The following IPO11 variants were observed in gnomAD, a reference collection of about 807,000 sequenced individuals.
IPO11 encodes the protein importin-11.
In IPO11, 66 loss-of-function variants were observed where a neutral mutation model predicts 143.2. The observed-to-expected ratio is 0.46, with a 90% confidence interval of 0.38 to 0.57. IPO11 has a LOEUF of 0.57. Ranked by LOEUF, IPO11 falls within the 20% of genes least tolerant of loss-of-function variation. IPO11 has a pLI of 0.00. For synonymous variants in IPO11, 385 were observed against 377.8 expected (o/e 1.02, Z -0.22); for missense variants, 1,026 against 1,141.0 (o/e 0.90, Z 1.45).
intron 1 of IPO11, among the ~76,000 whole-genome samples, chr5:62,425,729 A>G (rs531401386): frequency 9.2e-5 from 14 of 152,390 alleles, no homozygotes; most frequent in Non-Finnish European, 1.9e-4. Flanking sequence ...TAGAAATGAA[A>G]GTAAAGATAC....
chr5:62,430,077 C>T (rs1013047279), intron 1 of IPO11, among the ~76,000 whole-genome samples: 2 of 152,046 alleles, frequency 1.3e-5, no homozygotes, highest in African/African-American at 4.8e-5. Context: ...TTTTATTTAC[C>T]CATTCATCAC....
chr5:62,490,068 T>A (rs762550127), intron 14 of IPO11, 47 bp from the exon 15 acceptor site: 2 of 1,128,756 alleles, frequency 1.8e-6, no homozygotes, highest in African/African-American at 3.2e-5. Flanking sequence ...CATTTGCAGA[T>A]CTGATATCTG....
chr5:62,426,585 TAAAGC>T (rs1441263096), intron 1 of IPO11, among the ~76,000 whole-genome samples: 2 of 152,004 alleles, frequency 1.3e-5, no homozygotes, highest in East Asian at 3.9e-4. Context: ...GGAAGAGAAA[TAAAGC>T]AAATATCTAA....
At chr5:62,536,982 A>C (rs1246114110) in intron 23 of IPO11, among the ~76,000 whole-genome samples, 3 of 152,152 alleles carry the variant, frequency 2.0e-5, no homozygotes, top group Non-Finnish European at 2.9e-5. Context: ...GTGCTATGTC[A>C]ACAAATTTTT....
At chr5:62,597,709 T>C (rs1745276663) in intron 28 of IPO11, among the ~76,000 whole-genome samples, 1 of 152,208 alleles carries the variant, frequency 6.6e-6, no homozygotes, top group African/African-American at 2.4e-5. Context: ...AAATGTAATT[T>C]AACACAGGAG....
chr5:62,523,657 G>GATAGTGATTCATGTCACTTGAGTTAGGAA, intron 20 of IPO11, among the ~76,000 whole-genome samples: 1 of 152,328 alleles, frequency 6.6e-6, no homozygotes. Flanking sequence ...TCGCTAGGTA[G>GATAGTGATTCATGTCACTTGAGTTAGGAA]ATAGTGATTC....
At chr5:62,413,798 T>A (rs1316573174) in intron 1 of IPO11, among the ~76,000 whole-genome samples, 25 of 152,206 alleles carry the variant, frequency 1.6e-4, no homozygotes, top group Admixed American at 1.6e-3. Flanking sequence ...TCTTCCTCCA[T>A]TTTCATGTTA....
At chr5:62,451,200 A>G (rs1435872315) in intron 4 of IPO11, among the ~76,000 whole-genome samples, 1 of 152,146 alleles carries the variant, frequency 6.6e-6, no homozygotes, top group Non-Finnish European at 1.5e-5. Context: ...TGGTCACAGG[A>G]TCTCGTTATA....
At chr5:62,446,858 A>G (rs546047674) in intron 3 of IPO11, among the ~76,000 whole-genome samples, 2 of 152,156 alleles carry the variant, frequency 1.3e-5, no homozygotes, top group South Asian at 2.1e-4. Context: ...ACTCCCAGCT[A>G]CTGAACAGGC....
chr5:62,580,145 C>T (rs1258581181), intron 27 of IPO11: 1 of 1,551,084 alleles, frequency 6.4e-7, no homozygotes, highest in Admixed American at 2.0e-5. Context: ...CTTTCTTTGT[C>T]TCATAATCCT....
At chr5:62,425,656 C>T (rs960714213) in intron 1 of IPO11, among the ~76,000 whole-genome samples, 3 of 152,092 alleles carry the variant, frequency 2.0e-5, no homozygotes, top group African/African-American at 7.2e-5. Flanking sequence ...ATGATAGAAA[C>T]AATAGTACAT....
At chr5:62,586,766 A>T (rs866315080) in intron 27 of IPO11, among the ~76,000 whole-genome samples, 1,888 of 74,206 alleles carry the variant, frequency 0.025, 9 homozygotes, top group African/African-American at 0.031. Context: ...AAAAAAAAAA[A>T]AAATATATAT....
intron 24 of IPO11, among the ~76,000 whole-genome samples, chr5:62,538,379 A>G (rs1176763030): frequency 6.6e-6 from 1 of 152,190 alleles, no homozygotes; most frequent in Non-Finnish European, 1.5e-5. Context: ...CCCATGATCA[A>G]GGGGATTGTA....
At chr5:62,447,580 GT>G (rs1011260790) in intron 3 of IPO11, among the ~76,000 whole-genome samples, 1 of 150,276 alleles carries the variant, frequency 6.7e-6, no homozygotes, top group African/African-American at 2.4e-5. Flanking sequence ...TTGTACCCTT[GT>G]TTTTTTATTC....
At chr5:62,500,134 A>G (rs1296148676) in intron 16 of IPO11, among the ~76,000 whole-genome samples, 8 of 152,150 alleles carry the variant, frequency 5.3e-5, no homozygotes, top group Non-Finnish European at 5.9e-5. Context: ...AAAATACAAA[A>G]ATTAGCCAGA....
chr5:62,574,933 C>T (rs1284533543), intron 27 of IPO11, among the ~76,000 whole-genome samples: 1 of 152,174 alleles, frequency 6.6e-6, no homozygotes, highest in East Asian at 1.9e-4. Flanking sequence ...TTTTATGCTT[C>T]TCATGCATAA....
intron 5 of IPO11, among the ~76,000 whole-genome samples, chr5:62,453,068 A>G (rs1745000412): frequency 6.6e-6 from 1 of 150,976 alleles, no homozygotes; most frequent in African/African-American, 2.5e-5. Flanking sequence ...GATAGGGCTC[A>G]AGAAACTATT....
At chr5:62,428,406 C>T (rs935296120) in intron 1 of IPO11, among the ~76,000 whole-genome samples, 8 of 152,004 alleles carry the variant, frequency 5.3e-5, no homozygotes, top group Non-Finnish European at 8.8e-5. Context: ...TGCCGTGGTG[C>T]GATCTCAGCT....
chr5:62,584,456 T>C (rs1744686472), intron 27 of IPO11, among the ~76,000 whole-genome samples: 1 of 151,438 alleles, frequency 6.6e-6, no homozygotes, highest in Admixed American at 6.6e-5. Context: ...AAAATAAAAA[T>C]AAAAAATAAA....
Sources: allele counts gnomAD v4.1 joint callset (sites outside exome capture counted in the v4.1 genomes callset), GRCh38; gene constraint gnomAD v4.1.1; transcripts MANE v1.5; gene names NCBI Gene and HGNC (gene_info 2026-07-23, HGNC 2026-07-21).